The following GRIA4 variants were observed in gnomAD, a reference collection of about 807,000 sequenced individuals.
The protein encoded by GRIA4 is glutamate receptor 4.
In GRIA4, 34 loss-of-function variants were observed where a neutral mutation model predicts 104.0. The observed-to-expected ratio is 0.33, with a 90% CI of 0.25 to 0.44. GRIA4 has a LOEUF of 0.44. Ranked by LOEUF, GRIA4 falls within the 20% of genes least tolerant of loss-of-function variation. GRIA4 has a pLI of 1.00. For synonymous variants in GRIA4, 386 were observed against 381.9 expected (o/e 1.01, Z -0.13); for missense variants, 750 against 1,096.5 (o/e 0.68, Z 4.46).
intron 5 of GRIA4, among the ~76,000 whole-genome samples, chr11:105,871,407 A>T (rs1473194435): frequency 6.6e-6 from 1 of 151,694 alleles, no homozygotes; most frequent in African/African-American, 2.4e-5. Context: ...ACATACCCAC[A>T]GCAAATAGGT....
chr11:105,942,560 T>C (rs1591471065), intron 14 of GRIA4, among the ~76,000 whole-genome samples: 1 of 152,092 alleles, frequency 6.6e-6, no homozygotes. Context: ...TACGGTGACT[T>C]GCCCACAGTC....
intron 5 of GRIA4, among the ~76,000 whole-genome samples, chr11:105,882,859 T>G (rs965916024): frequency 1.3e-5 from 2 of 152,198 alleles, no homozygotes; most frequent in Non-Finnish European, 2.9e-5. Flanking sequence ...AAAAGTGTCC[T>G]AATTCATTTT....
intron 3 of GRIA4, among the ~76,000 whole-genome samples, chr11:105,677,327 T>C (rs1180106370): frequency 6.6e-6 from 1 of 151,898 alleles, no homozygotes; most frequent in Non-Finnish European, 1.5e-5. Flanking sequence ...TTGATACTTG[T>C]AAAATTAACT....
At chr11:105,662,443 A>T (rs2135414606) in intron 3 of GRIA4, among the ~76,000 whole-genome samples, 1 of 151,936 alleles carries the variant, frequency 6.6e-6, no homozygotes, top group African/African-American at 2.4e-5. Flanking sequence ...ATACAGAGGA[A>T]AAAACACTGT....
intron 3 of GRIA4, among the ~76,000 whole-genome samples, chr11:105,631,163 T>C (rs1301043501): frequency 7.9e-5 from 12 of 152,222 alleles, no homozygotes; most frequent in Admixed American, 7.8e-4. Context: ...TGCTCCTAAG[T>C]AGCTCACAGT....
intron 3 of GRIA4, among the ~76,000 whole-genome samples, chr11:105,745,658 T>C (rs1171569279): frequency 1.3e-5 from 2 of 152,196 alleles, no homozygotes; most frequent in African/African-American, 2.4e-5. Flanking sequence ...CTGTAAAATA[T>C]AGTTTCTATC....
Position 105,974,348 on chromosome 11 carries a change from C to T in GRIA4, c.2448C>T (p.Gly816=), listed in dbSNP as rs138190986. The T allele has an allele frequency of 1.5e-3, 2,373 of 1,613,782 alleles. 9 individuals are homozygous for T. The highest frequency in any genetic ancestry group is 7.6e-3 in the Middle Eastern group (46 of 6,058). The change falls in exon 16 of 17, where the codon GGC becomes GGT. Residue 816 remains glycine, a synonymous_variant. Transcript: ENST00000282499. ...TSALSLSNVA[G]VFYILVGGLG... ...CCTTGAGCCTGAGCAATGTAGCAGGCGTCTTCTACATTCTGGTTGGCGGCT... is the reference window on the plus strand; with the variant it reads ...CCTTGAGCCTGAGCAATGTAGCAGGTGTCTTCTACATTCTGGTTGGCGGCT...
chr11:105,793,006 A>T lies in GRIA4; in HGVS notation c.487+39786A>T, dbSNP rs1942283139. On this transcript the variant is annotated intron_variant, in intron 4 of 16. Coordinates refer to ENST00000282499, the MANE Select transcript of GRIA4 (RefSeq NM_000829.4). ...ACTCAAAGGCATTTCAGATTCTCAAACTTTCCCTATATTCTCTTATTTAAG... is the reference window on the plus strand; with the variant it reads ...ACTCAAAGGCATTTCAGATTCTCAATCTTTCCCTATATTCTCTTATTTAAG... Among the ~76,000 whole-genome samples the T allele has an allele frequency of 2.0e-5, 3 of 152,154 alleles. No individual in the cohort carries two copies. In the South Asian group the frequency reaches 6.2e-4, roughly 31 times the overall value.
intron 13 of GRIA4, among the ~76,000 whole-genome samples, chr11:105,933,353 A>G (rs1197837484): frequency 6.6e-6 from 1 of 152,282 alleles, no homozygotes; most frequent in Non-Finnish European, 1.5e-5. Context: ...GCTTTTTTTA[A>G]GTTTACCATG....
At chr11:105,682,657 C>T (rs1199941219) in intron 3 of GRIA4, among the ~76,000 whole-genome samples, 1 of 152,182 alleles carries the variant, frequency 6.6e-6, no homozygotes, top group Non-Finnish European at 1.5e-5. Context: ...GAAAAGCAAT[C>T]ATGCTCAGAT....
intron 5 of GRIA4, among the ~76,000 whole-genome samples, chr11:105,877,474 GTT>G (rs1945872762): frequency 1.3e-5 from 2 of 152,184 alleles, no homozygotes; most frequent in Admixed American, 6.5e-5. Context: ...GGTTGAGGTA[GTT>G]CTCCTGGATA....
intron 3 of GRIA4, among the ~76,000 whole-genome samples, chr11:105,698,850 A>G (rs1953382151): frequency 6.6e-6 from 1 of 152,312 alleles, no homozygotes; most frequent in Non-Finnish European, 1.5e-5. Flanking sequence ...ACATGTCATG[A>G]TGATTCCTTA....
intron 1 of GRIA4, 91 bp downstream of exon 1, chr11:105,610,519 C>G (rs1950442412): frequency 6.4e-6 from 1 of 157,422 alleles, no homozygotes; most frequent in African/African-American, 2.4e-5. Flanking sequence ...AGGAGGGCAG[C>G]GATGCTCCGG....
At chr11:105,831,685 G>A (rs1358876882) in intron 4 of GRIA4, among the ~76,000 whole-genome samples, 2 of 151,954 alleles carry the variant, frequency 1.3e-5, no homozygotes, top group Non-Finnish European at 2.9e-5. Context: ...GATAAATTGT[G>A]GATTGTCCAC....
chr11:105,943,984 G>A (rs1362348970), intron 14 of GRIA4, among the ~76,000 whole-genome samples: 1 of 152,064 alleles, frequency 6.6e-6, no homozygotes, highest in African/African-American at 2.4e-5. Flanking sequence ...TGAAGTTAGA[G>A]TACCAAGGAA....
intron 3 of GRIA4, among the ~76,000 whole-genome samples, chr11:105,693,743 G>A (rs1953170742): frequency 6.6e-6 from 1 of 152,170 alleles, no homozygotes; most frequent in Non-Finnish European, 1.5e-5. Context: ...AATACTGTAT[G>A]AAATATGTCT....
At chr11:105,627,818 C>G (rs956405786) in intron 3 of GRIA4, among the ~76,000 whole-genome samples, 6 of 152,144 alleles carry the variant, frequency 3.9e-5, no homozygotes, top group African/African-American at 1.4e-4. Flanking sequence ...GCAATAAAAT[C>G]TCCCTACAGA....
At chr11:105,744,573 A>G (rs1939527260) in intron 3 of GRIA4, among the ~76,000 whole-genome samples, 2 of 152,120 alleles carry the variant, frequency 1.3e-5, no homozygotes, top group Admixed American at 6.6e-5. Context: ...ACCTCACCTC[A>G]AAGCATTCAT....
intron 4 of GRIA4, among the ~76,000 whole-genome samples, chr11:105,787,472 C>CT (rs67901321): frequency 0.21 from 20,460 of 98,532 alleles, 3,551 homozygotes; most frequent in African/African-American, 0.4. Flanking sequence ...TAAAGAATTC[C>CT]TTTTTTTTTT....
Sources: allele counts gnomAD v4.1 joint callset (sites outside exome capture counted in the v4.1 genomes callset), GRCh38; gene constraint gnomAD v4.1.1; transcripts MANE v1.5; gene names NCBI Gene and HGNC (gene_info 2026-07-23, HGNC 2026-07-21).